The following MACROD2 variants were observed in gnomAD, a reference collection of about 807,000 sequenced individuals.
MACROD2 encodes ADP-ribose glycohydrolase MACROD2.
Under a neutral mutation model 70.4 loss-of-function variants are expected in MACROD2, and 36 were observed. The observed-to-expected ratio is 0.51, with a 90% CI of 0.39 to 0.68. MACROD2 has a LOEUF of 0.68. Among genes scored for constraint, MACROD2 ranks in the 30% least tolerant of loss-of-function variants. The probability of loss-of-function intolerance (pLI) is 0.00; values close to 1 mark genes in which losing one functional copy is unlikely to be tolerated. For missense variants in MACROD2, 496 were observed against 538.4 expected (o/e 0.92, Z 0.78); for synonymous variants, 172 against 178.8 (o/e 0.96, Z 0.30).
At chr20:14,126,680 T>G (rs906725018) in intron 3 of MACROD2, among the ~76,000 whole-genome samples, 2 of 152,242 alleles carry the variant, frequency 1.3e-5, no homozygotes, top group African/African-American at 4.8e-5. Flanking sequence ...CATTTTCAAT[T>G]ATTATGGGCA....
intron 5 of MACROD2, among the ~76,000 whole-genome samples, chr20:14,965,835 T>A (rs781510414): frequency 1.5e-4 from 23 of 152,104 alleles, no homozygotes; most frequent in Non-Finnish European, 2.8e-4. Flanking sequence ...CAGTGCATTT[T>A]AAAAATCTCA....
intron 3 of MACROD2, among the ~76,000 whole-genome samples, chr20:14,231,543 T>C (rs549541381): frequency 5.7e-4 from 87 of 152,350 alleles, no homozygotes; most frequent in Middle Eastern, 3.4e-3. Flanking sequence ...CTATCATTGT[T>C]GGACATTTGG....
chr20:14,538,105 G>A (rs745751633), intron 4 of MACROD2, among the ~76,000 whole-genome samples: 7 of 152,136 alleles, frequency 4.6e-5, no homozygotes, highest in Admixed American at 1.3e-4. Context: ...CCATGAAGGG[G>A]ATACTATAAT....
At chr20:15,508,164 C>T (rs1430915040) in intron 8 of MACROD2, among the ~76,000 whole-genome samples, 3 of 152,184 alleles carry the variant, frequency 2.0e-5, no homozygotes, top group Non-Finnish European at 2.9e-5. Flanking sequence ...TCTGCACTTG[C>T]ATATAATCAA....
At chr20:15,136,316 A>G (rs2076147544) in intron 5 of MACROD2, among the ~76,000 whole-genome samples, 2 of 150,534 alleles carry the variant, frequency 1.3e-5, no homozygotes, top group African/African-American at 4.9e-5. Flanking sequence ...AAACTATACT[A>G]CAAGGCTACA....
intron 11 of MACROD2, among the ~76,000 whole-genome samples, chr20:15,936,659 G>A (rs1211779138): frequency 4.4e-5 from 1 of 22,492 alleles, no homozygotes; most frequent in Non-Finnish European, 1.4e-4. Context: ...TGTCCATAAT[G>A]TGTATATGTG....
chr20:14,525,996 G>A (rs2423797), intron 4 of MACROD2, among the ~76,000 whole-genome samples: 124,642 of 152,084 alleles, frequency 0.82, 51,483 homozygotes, highest in East Asian at 1. Context: ...ATTTCTAAGG[G>A]CAGGGCAATG....
At chr20:14,325,709 T>C (rs1345861530) in intron 3 of MACROD2, 1 of 1,613,966 alleles carries the variant, frequency 6.2e-7, no homozygotes, top group Non-Finnish European at 8.5e-7. Context: ...GGTTCATTGC[T>C]TATTGGTAAC....
chr20:15,288,651 A>G (rs2077513484), intron 6 of MACROD2, among the ~76,000 whole-genome samples: 1 of 152,098 alleles, frequency 6.6e-6, no homozygotes, highest in South Asian at 2.1e-4. Context: ...GTCCTTGCAC[A>G]TTGGAACTCT....
At chr20:14,745,371 T>C (rs1479362608) in intron 5 of MACROD2, among the ~76,000 whole-genome samples, 1 of 152,226 alleles carries the variant, frequency 6.6e-6, no homozygotes, top group Non-Finnish European at 1.5e-5. Context: ...AGAGGTTGTC[T>C]AAGCAGCCAC....
At chr20:15,092,963 T>G (rs1455189692) in intron 5 of MACROD2, among the ~76,000 whole-genome samples, 1 of 152,144 alleles carries the variant, frequency 6.6e-6, no homozygotes, top group Non-Finnish European at 1.5e-5. Flanking sequence ...TGAGTAAATA[T>G]CACTAGTTGG....
chr20:15,564,354 A>G (rs1184976525), intron 8 of MACROD2, among the ~76,000 whole-genome samples: 2 of 152,210 alleles, frequency 1.3e-5, no homozygotes, highest in East Asian at 3.8e-4. Context: ...TGAGGAAAAT[A>G]TGAAGAATTT....
intron 2 of MACROD2, among the ~76,000 whole-genome samples, chr20:14,003,299 A>C (rs146722498): frequency 6.6e-6 from 1 of 152,268 alleles, no homozygotes; most frequent in African/African-American, 2.4e-5. Flanking sequence ...GAACACATTG[A>C]CCTGAGGATT....
rs35379314 is a variant in MACROD2, at chr20:14,181,586, CT to C, written c.271+95869del. 6.2e-3 allele frequency among the ~76,000 whole-genome samples: 919 copies of C among 147,388 alleles called. 8 individuals are homozygous for C. Among genetic ancestry groups the C allele is most frequent in the Non-Finnish European group, 0.01 (689 of 66,590 alleles). On this transcript the variant is annotated intron_variant, in intron 3 of 17. Transcript: ENST00000684519. The stretch of plus-strand genomic sequence containing the variant: ...CCATCACCACTATCTAATTCCGGAT[CT>C]TTTTTTTTTTCCCCAGAAGGAAATC...
chr20:15,502,822 G>T (rs968614773), intron 8 of MACROD2, among the ~76,000 whole-genome samples: 1 of 152,134 alleles, frequency 6.6e-6, no homozygotes, highest in African/African-American at 2.4e-5. Flanking sequence ...TATGTTTCTT[G>T]CTCACACTGT....
intron 5 of MACROD2, among the ~76,000 whole-genome samples, chr20:14,754,758 A>G (rs946514239): frequency 6.6e-6 from 1 of 151,084 alleles, no homozygotes; most frequent in East Asian, 1.9e-4. Context: ...TCCAGGATCT[A>G]TAAACTCTTG....
intron 5 of MACROD2, among the ~76,000 whole-genome samples, chr20:14,882,556 T>C (rs764425147): frequency 6.6e-6 from 1 of 152,220 alleles, no homozygotes; most frequent in Non-Finnish European, 1.5e-5. Context: ...ACAGAAGATT[T>C]ACTCTTCTTC....
intron 5 of MACROD2, among the ~76,000 whole-genome samples, chr20:15,075,058 G>C (rs1459772869): frequency 6.6e-6 from 1 of 152,166 alleles, no homozygotes; most frequent in Non-Finnish European, 1.5e-5. Flanking sequence ...GTTCTTGAAA[G>C]TCTGGAACAA....
At chr20:14,039,933 T>C (rs1344956186) in intron 2 of MACROD2, among the ~76,000 whole-genome samples, 1 of 152,186 alleles carries the variant, frequency 6.6e-6, no homozygotes, top group African/African-American at 2.4e-5. Flanking sequence ...CTAATCTATG[T>C]GAACATTGTA....
Sources: allele counts gnomAD v4.1 joint callset (sites outside exome capture counted in the v4.1 genomes callset), GRCh38; gene constraint gnomAD v4.1.1; transcripts MANE v1.5; gene names NCBI Gene and HGNC (gene_info 2026-07-23, HGNC 2026-07-21).